CTNNA3: variants seen among roughly 807,000 people sequenced by gnomAD.
The protein encoded by CTNNA3 is catenin alpha 3.
Under a neutral mutation model 95.7 loss-of-function variants are expected in CTNNA3, and 76 were observed. That is an observed-to-expected ratio of 0.79 (90% CI 0.66 to 0.96). The LOEUF (loss-of-function observed/expected upper bound fraction) is 0.96, where lower values mean the gene tolerates loss of function less well. Ranked by LOEUF, CTNNA3 falls within the 40% of genes least tolerant of loss-of-function variation. The pLI is 0.00. For synonymous variants in CTNNA3, 431 were observed against 374.4 expected, an observed-to-expected ratio of 1.15 and a Z score of -1.74; for missense variants, 1,191 against 1,089.8, an observed-to-expected ratio of 1.09 and a Z score of -1.31.
intron 5 of CTNNA3, among the ~76,000 whole-genome samples, chr10:67,388,338 C>T (rs1367072104): frequency 7.8e-4 from 110 of 141,060 alleles, no homozygotes; most frequent in Non-Finnish European, 1.3e-3. Flanking sequence ...AATGAAATGA[C>T]GTGAGAAGGG....
At chr10:67,148,416 A>C (rs1860938045) in intron 7 of CTNNA3, among the ~76,000 whole-genome samples, 1 of 152,184 alleles carries the variant, frequency 6.6e-6, no homozygotes, top group Admixed American at 6.5e-5. Context: ...TCGTAGAGGG[A>C]AGTAATATGA....
At position 67,072,760 on chromosome 10, in the gene CTNNA3, C is replaced by T. The variant is rs76527443; in HGVS notation, c.1047+107557G>A. 0.01 allele frequency among the ~76,000 whole-genome samples: 1,556 copies of T among 152,284 alleles called. 63 individuals carry two copies. The East Asian group carries it at 0.14, about 14-fold the overall frequency. The stretch of plus-strand genomic sequence containing the variant: ...TCATTTCTTTATCTTAGGGCCCTAA[C>T]AGCTACAAAATTTGGTAAATATCTT... On this transcript the variant is annotated intron_variant, in intron 7 of 17. Transcript: ENST00000433211.
At chr10:66,535,241 T>C (rs1050255991) in intron 10 of CTNNA3, among the ~76,000 whole-genome samples, 1 of 152,142 alleles carries the variant, frequency 6.6e-6, no homozygotes, top group Non-Finnish European at 1.5e-5. Flanking sequence ...TAATCAATAA[T>C]ATACACTGGA....
Position 67,122,353 on chromosome 10 carries a change from A to G in CTNNA3, c.1047+57964T>C, listed in dbSNP as rs577815914. Among the ~76,000 whole-genome samples, 296 of 151,650 alleles carry G rather than the reference A, an allele frequency of 2.0e-3. 1 individual carries two copies. The highest frequency in any genetic ancestry group is 3.3e-3 in the Non-Finnish European group (225 of 67,994). ...AATAACATAACAAAGTCTTCAATAG[A>G]ATAAAAGTAAAAATAAATTATGAAA... On this transcript the variant is annotated intron_variant, in intron 7 of 17. Coordinates refer to ENST00000433211, the MANE Select transcript of CTNNA3 (RefSeq NM_013266.4).
At chr10:66,452,614 C>T (rs2093471663) in intron 11 of CTNNA3, among the ~76,000 whole-genome samples, 1 of 152,136 alleles carries the variant, frequency 6.6e-6, no homozygotes, top group African/African-American at 2.4e-5. Context: ...AAAGTAGCCA[C>T]AAGATTAGAA....
rs750175517 is a variant in CTNNA3 at position 66,412,456 on chromosome 10, A to ATTTT, written c.1532-33108_1532-33105dup. Among the ~76,000 whole-genome samples, 23 of 126,216 alleles carry ATTTT rather than the reference A, an allele frequency of 1.8e-4. No homozygotes were observed. The East Asian group carries it at 2.0e-3, about 11-fold the overall frequency. The allele number at this position is 126,216 out of a possible 152,430, so 82.8% of individuals were successfully genotyped here. A position where few individuals can be genotyped will look rare whatever the true frequency, so the allele number is the denominator to read the frequency against. ...AAGGGAAATCAGAGAGCCAAATACT[A>ATTTT]TTTTTTTTTTTTTTTTTTTTTTGAG... On this transcript the variant is annotated intron_variant, in intron 11 of 17. Coordinates refer to ENST00000433211, the MANE Select transcript of CTNNA3 (RefSeq NM_013266.4).
intron 7 of CTNNA3, among the ~76,000 whole-genome samples, chr10:66,923,713 T>C (rs1846911440): frequency 6.6e-6 from 1 of 152,224 alleles, no homozygotes; most frequent in Admixed American, 6.5e-5. Flanking sequence ...TTTCTAGTTT[T>C]TGTCTTTGTA....
At chr10:67,432,640 T>C (rs1217588344) in intron 5 of CTNNA3, among the ~76,000 whole-genome samples, 2 of 152,024 alleles carry the variant, frequency 1.3e-5, no homozygotes, top group Non-Finnish European at 2.9e-5. Flanking sequence ...ATACATATGA[T>C]TGCATTTAGA....
At chr10:67,566,722 G>C (rs1022468884) in intron 3 of CTNNA3, among the ~76,000 whole-genome samples, 2 of 152,036 alleles carry the variant, frequency 1.3e-5, no homozygotes, top group African/African-American at 4.8e-5. Context: ...ACATGCACAT[G>C]TATGTTTATT....
chr10:67,071,777 A>G (rs753504637), intron 7 of CTNNA3, among the ~76,000 whole-genome samples: 12 of 152,134 alleles, frequency 7.9e-5, no homozygotes, highest in Non-Finnish European at 1.6e-4. Context: ...CACAAATACC[A>G]TTTACACAAT....
chr10:66,986,864 T>A (rs1390943477), intron 7 of CTNNA3, among the ~76,000 whole-genome samples: 4 of 152,100 alleles, frequency 2.6e-5, no homozygotes, highest in Non-Finnish European at 5.9e-5. Context: ...TACTATGGGA[T>A]TACACTAGAC....
chr10:67,110,081 A>G (rs1025765179), intron 7 of CTNNA3, among the ~76,000 whole-genome samples: 1 of 152,160 alleles, frequency 6.6e-6, no homozygotes, highest in African/African-American at 2.4e-5. Flanking sequence ...TCTCAAAAGT[A>G]TAAATTTTCA....
chr10:66,238,347 T>C (rs1589818626), intron 13 of CTNNA3, among the ~76,000 whole-genome samples: 1 of 152,018 alleles, frequency 6.6e-6, no homozygotes, highest in East Asian at 1.9e-4. Context: ...TATAATGTTA[T>C]AGTGTCATCT....
intron 12 of CTNNA3, among the ~76,000 whole-genome samples, chr10:66,303,016 A>G (rs564767749): frequency 2.0e-5 from 3 of 152,302 alleles, no homozygotes; most frequent in East Asian, 3.9e-4. Flanking sequence ...AATTTGTGAC[A>G]TAATTTCTTA....
chr10:66,755,601 G>A (rs1208729208), intron 9 of CTNNA3, among the ~76,000 whole-genome samples: 1 of 152,068 alleles, frequency 6.6e-6, no homozygotes, highest in African/African-American at 2.4e-5. Flanking sequence ...AGGGTGTGGA[G>A]CAACTGGAAT....
intron 9 of CTNNA3, among the ~76,000 whole-genome samples, chr10:66,720,810 GTGACAGAGAGAGACCC>G (rs1299973254): frequency 1.3e-5 from 2 of 152,094 alleles, no homozygotes; most frequent in Admixed American, 1.3e-4. Flanking sequence ...TCCAGCCTGG[GTGACAGAGAGAGACCC>G]TGTCTCAAAA....
At chr10:66,938,098 AG>A (rs1271214153) in intron 7 of CTNNA3, among the ~76,000 whole-genome samples, 2 of 152,246 alleles carry the variant, frequency 1.3e-5, no homozygotes, top group Non-Finnish European at 2.9e-5. Context: ...AACAATCTAC[AG>A]TAAACATTTC....
intron 4 of CTNNA3, among the ~76,000 whole-genome samples, chr10:67,539,248 A>T (rs956288400): frequency 2.0e-5 from 3 of 152,186 alleles, no homozygotes; most frequent in Admixed American, 6.5e-5. Flanking sequence ...AATGATCAAA[A>T]GTCTAGAACT....
intron 9 of CTNNA3, among the ~76,000 whole-genome samples, chr10:66,719,566 A>T (rs1270743671): frequency 6.6e-6 from 1 of 152,182 alleles, no homozygotes; most frequent in Non-Finnish European, 1.5e-5. Context: ...TGGGGCATCA[A>T]GGGTACCACC....
Sources: gnomAD v4.1 joint callset for allele counts (sites outside exome capture counted in the v4.1 genomes callset) on GRCh38, gnomAD v4.1.1 for gene constraint, MANE v1.5 for transcripts, NCBI Gene and HGNC (gene_info 2026-07-23, HGNC 2026-07-21) for gene names.